Variants in ABHD2 observed in about 807,000 individuals in gnomAD.
ABHD2 encodes abhydrolase domain containing 2, acylglycerol lipase, also known as monoacylglycerol lipase ABHD2.
A neutral mutation model predicts 48.1 loss-of-function variants in ABHD2; 20 were observed. The observed-to-expected ratio is 0.42, with a 90% CI of 0.29 to 0.60. The LOEUF (loss-of-function observed/expected upper bound fraction) is 0.60. Among genes scored for constraint, ABHD2 ranks in the 20% least tolerant of loss-of-function variants. The pLI is 0.24. For missense variants in ABHD2, 405 were observed against 550.9 expected (o/e 0.74, Z 2.65); for synonymous variants, 209 against 214.2 (o/e 0.98, Z 0.21).
chr15:89,194,561 T>G (rs920118114), intron 10 of ABHD2, among the ~76,000 whole-genome samples: 1 of 152,180 alleles, frequency 6.6e-6, no homozygotes, highest in Non-Finnish European at 1.5e-5. Flanking sequence ...TTAAGGATCT[T>G]GAAGATAAAT....
At chr15:89,064,872 A>G in the ABHD2 span, among the ~76,000 whole-genome samples, 1 of 151,954 alleles carries the variant, frequency 6.6e-6, no homozygotes, top group East Asian at 1.9e-4. Flanking sequence ...TCTGTATCCT[A>G]CTCCCAGCTG....
In ABHD2 at chr15:89,195,797, T is replaced by G. The variant is rs1373325600; in HGVS notation, c.*374T>G. 5.0e-6 allele frequency: 1 copy of G among 198,204 alleles called. No homozygotes were observed. The highest frequency in any genetic ancestry group is 5.7e-5 in the Admixed American group (1 of 17,524). 12.3% of individuals were successfully genotyped at this position (198,204 alleles called of 1,614,324 possible). A position where few individuals can be genotyped will look rare whatever the true frequency, so the allele number is the denominator to read the frequency against. On this transcript the variant is annotated 3_prime_UTR_variant, in exon 11 of 11. Coordinates refer to ENST00000352732, the MANE Select transcript of ABHD2 (RefSeq NM_152924.5). This position sits in a 1 kb window ranked among gnomAD's most constrained non-coding sequence, Gnocchi z 5.1. ...GCTTTTCCCTGAGAACAGTGAAGGA[T>G]GTATGTCATTTTGTGGTGGTTGTAT...
At chr15:89,165,377 CTT>C (rs2050822824) in intron 5 of ABHD2, among the ~76,000 whole-genome samples, 1 of 151,796 alleles carries the variant, frequency 6.6e-6, no homozygotes, top group East Asian at 1.9e-4. Context: ...AAATATGTCT[CTT>C]TTGATAAAGA....
chr15:89,066,823 C>G, the ABHD2 span, among the ~76,000 whole-genome samples: 1 of 152,150 alleles, frequency 6.6e-6, no homozygotes, highest in South Asian at 2.1e-4. Flanking sequence ...TGAAACAGTT[C>G]CCTTTGGTGT....
chr15:89,108,371 CCT>C (rs1251108813), intron 1 of ABHD2, among the ~76,000 whole-genome samples: 1 of 152,218 alleles, frequency 6.6e-6, no homozygotes, highest in Non-Finnish European at 1.5e-5. Context: ...GGCCTCCTCC[CCT>C]CTGTATCTGT....
At chr15:89,093,182 T>A (rs1300469796) in intron 1 of ABHD2, among the ~76,000 whole-genome samples, 1 of 143,718 alleles carries the variant, frequency 7.0e-6, no homozygotes, top group African/African-American at 2.6e-5. Flanking sequence ...TCTTTTTTTT[T>A]TTTTTTTTTT....
At chr15:89,127,321 G>A (rs2050144649) in intron 3 of ABHD2, among the ~76,000 whole-genome samples, 1 of 152,166 alleles carries the variant, frequency 6.6e-6, no homozygotes, top group Admixed American at 6.5e-5. Flanking sequence ...CATTATAAGA[G>A]TCTGTAATCC....
the ABHD2 span, among the ~76,000 whole-genome samples, chr15:89,065,586 G>A: frequency 2.0e-5 from 3 of 152,154 alleles, 1 homozygote; most frequent in Non-Finnish European, 4.4e-5. Context: ...TAATGCACAT[G>A]AAGGAGGCAT....
chr15:89,077,136 C>A, the ABHD2 span, among the ~76,000 whole-genome samples: 1 of 152,184 alleles, frequency 6.6e-6, no homozygotes, highest in African/African-American at 2.4e-5. Flanking sequence ...CACCCAAGAA[C>A]CCCCTCTCAG....
rs1434984710 is a variant in ABHD2, at chr15:89,137,869, C to G, written c.195-13808C>G. Among the ~76,000 whole-genome samples, 1 of 152,210 alleles carries G rather than the reference C, an allele frequency of 6.6e-6. No homozygotes were observed. Among genetic ancestry groups the G allele is most frequent in the South Asian group, 2.1e-4 (1 of 4,834 alleles). ...GAGGAAGCCCTTTCCCAGCCTCAGCCTTACCTCCCCAGTAGGACTGGTGAG... is the reference window on the plus strand; with the variant it reads ...GAGGAAGCCCTTTCCCAGCCTCAGCGTTACCTCCCCAGTAGGACTGGTGAG... On this transcript the variant is annotated intron_variant, in intron 3 of 10. Coordinates refer to ENST00000352732, the MANE Select transcript of ABHD2 (RefSeq NM_152924.5). This position sits in a 1 kb window ranked among gnomAD's most constrained non-coding sequence, Gnocchi z 4.8.
In ABHD2 at chr15:89,195,103, G is replaced by A; in HGVS notation, c.1082-124G>A. ...GGTGAACAAGGCAGAGTGAGTAGAG[G>A]TTGGATGCCCACTTAGGTGACCCTG... On this transcript the variant is annotated intron_variant, in intron 10 of 10. Transcript: ENST00000352732. The surrounding 1 kb of genome is among the most constrained non-coding windows in gnomAD (Gnocchi z 5.1). 1.0e-5 allele frequency: 11 copies of A among 1,052,928 alleles called. No individual in the cohort carries two copies. In the South Asian group the frequency reaches 1.2e-4, roughly 12 times the overall value. The allele number at this position is 1,052,928 out of a possible 1,614,324, so 65.2% of individuals were successfully genotyped here.
Position 89,173,830 on chromosome 15 carries a change from A to G in ABHD2, c.539-1982A>G, listed in dbSNP as rs762863295. 1.3e-5 allele frequency among the ~76,000 whole-genome samples: 2 copies of G among 152,140 alleles called. No individual in the cohort carries two copies. The highest frequency in any genetic ancestry group is 2.9e-5 in the Non-Finnish European group (2 of 68,032). ...AAAATAAGCAGCTTGATCCTCTACT[A>G]TCTCACTGGAGAGGGAGACGGGCTG... On this transcript the variant is annotated intron_variant, in intron 5 of 10. Coordinates refer to ENST00000352732, the MANE Select transcript of ABHD2 (RefSeq NM_152924.5). This position sits in a 1 kb window ranked among gnomAD's most constrained non-coding sequence, Gnocchi z 6.5.
intron 1 of ABHD2, among the ~76,000 whole-genome samples, chr15:89,105,586 C>T (rs565752243): frequency 1.3e-5 from 2 of 152,234 alleles, no homozygotes; most frequent in South Asian, 4.1e-4. Context: ...TCTGTCAATC[C>T]CTCCAGTTCT....
chr15:89,192,794 C>A (rs1428463105), intron 9 of ABHD2, among the ~76,000 whole-genome samples: 1 of 152,206 alleles, frequency 6.6e-6, no homozygotes, highest in East Asian at 1.9e-4. Flanking sequence ...AGCAGTCCTC[C>A]CACCTTGGCC....
chr15:89,189,301 A>T lies in ABHD2; in HGVS notation c.926+998A>T, dbSNP rs566338632. Among the ~76,000 whole-genome samples, 1 of 152,172 alleles carries T rather than the reference A, an allele frequency of 6.6e-6. No homozygotes were observed. The highest frequency in any genetic ancestry group is 1.5e-5 in the Non-Finnish European group (1 of 68,018). ...GGAGTTTGAGACCAGCCTGGGCAAC[A>T]TAGCAAGTCCCTGTCTCTACAAAAA... is the stretch of plus-strand genomic sequence containing the variant. On this transcript the variant is annotated intron_variant, in intron 8 of 10. Transcript: ENST00000352732. This position sits in a 1 kb window ranked among gnomAD's most constrained non-coding sequence, Gnocchi z 4.9.
At chr15:89,051,716 T>A in the ABHD2 span, among the ~76,000 whole-genome samples, 1 of 152,208 alleles carries the variant, frequency 6.6e-6, no homozygotes, top group Non-Finnish European at 1.5e-5. Context: ...TGCTCTCTCT[T>A]GCCTGCTGCC....
chr15:89,122,375 C>T (rs1393317483), intron 3 of ABHD2, among the ~76,000 whole-genome samples: 1 of 152,228 alleles, frequency 6.6e-6, no homozygotes, highest in Non-Finnish European at 1.5e-5. Context: ...TTCCAAATCT[C>T]AAGTACAATG....
intron 4 of ABHD2, among the ~76,000 whole-genome samples, chr15:89,152,055 C>A (rs192627729): frequency 6.6e-6 from 1 of 151,300 alleles, no homozygotes. Context: ...ATGTAAAGCT[C>A]TTCAGAACTC....
chr15:89,063,140 G>A, the ABHD2 span, among the ~76,000 whole-genome samples: 1 of 151,126 alleles, frequency 6.6e-6, no homozygotes, highest in African/African-American at 2.4e-5. Context: ...GCTAATTTTT[G>A]TATTTTTAGT....
Sources: gnomAD v4.1 joint callset for allele counts (sites outside exome capture counted in the v4.1 genomes callset) on GRCh38, gnomAD v4.1.1 for gene constraint, Gnocchi (gnomAD v3.1) non-coding constraint, MANE v1.5 for transcripts, NCBI Gene and HGNC (gene_info 2026-07-23, HGNC 2026-07-21) for gene names.